ENPEP: variants seen among roughly 807,000 people sequenced by gnomAD.
ENPEP encodes the protein glutamyl aminopeptidase.
Under a neutral mutation model 114.5 loss-of-function variants are expected in ENPEP, and 103 were observed. The ratio of observed to expected loss-of-function variants is 0.90; its 90% confidence interval spans 0.77 to 1.06. ENPEP has a LOEUF of 1.06. Ranked by LOEUF, ENPEP falls within the 50% of genes least tolerant of loss-of-function variation. ENPEP has a pLI of 0.00. For missense variants in ENPEP, 1,196 were observed against 1,161.3 expected (o/e 1.03, Z -0.43); for synonymous variants, 420 against 422.0 (o/e 1.00, Z 0.06).
At chr4:110,480,354 C>T (rs1367463223) in intron 1 of ENPEP, among the ~76,000 whole-genome samples, 1 of 152,118 alleles carries the variant, frequency 6.6e-6, no homozygotes, top group East Asian at 1.9e-4. Flanking sequence ...AATATTTTGG[C>T]AATGCAGCCT....
chr4:110,554,800 G>A (rs930027519), intron 18 of ENPEP, among the ~76,000 whole-genome samples: 3 of 151,938 alleles, frequency 2.0e-5, no homozygotes, highest in African/African-American at 7.2e-5. Flanking sequence ...GGAAACCTAT[G>A]TAGATGAAGC....
chr4:110,491,901 A>T (rs369757581), intron 3 of ENPEP, among the ~76,000 whole-genome samples: 1 of 151,762 alleles, frequency 6.6e-6, no homozygotes, highest in Non-Finnish European at 1.5e-5. Flanking sequence ...TTGTATTTTT[A>T]GTAGAGACGG....
chr4:110,549,274 T>A, intron 14 of ENPEP, 72 bp from the exon 15 acceptor site: 1 of 1,202,354 alleles, frequency 8.3e-7, no homozygotes, highest in Non-Finnish European at 1.2e-6. Flanking sequence ...CAGGGGCTGC[T>A]GAGTATAATA....
chr4:110,492,191 T>C (rs1724749849), intron 3 of ENPEP, among the ~76,000 whole-genome samples: 1 of 152,178 alleles, frequency 6.6e-6, no homozygotes, highest in Non-Finnish European at 1.5e-5. Context: ...CTTTGCAATA[T>C]AATTTTATAA....
chr4:110,517,836 A>C (rs1201198348), intron 8 of ENPEP, among the ~76,000 whole-genome samples: 1 of 152,226 alleles, frequency 6.6e-6, no homozygotes, highest in Non-Finnish European at 1.5e-5. Context: ...ATCTGAAAAT[A>C]GTATATGATC....
At chr4:110,482,554 A>AGT (rs1270997089) in intron 1 of ENPEP, among the ~76,000 whole-genome samples, 1 of 152,098 alleles carries the variant, frequency 6.6e-6, no homozygotes, top group Non-Finnish European at 1.5e-5. Flanking sequence ...ATCATCATTA[A>AGT]GTGTGTGTGT....
chr4:110,509,075 T>A (rs1725477460), intron 4 of ENPEP, among the ~76,000 whole-genome samples: 1 of 152,168 alleles, frequency 6.6e-6, no homozygotes, highest in Non-Finnish European at 1.5e-5. Flanking sequence ...CTATAGAAAC[T>A]CCTGTCCAAC....
intron 13 of ENPEP, among the ~76,000 whole-genome samples, chr4:110,545,658 T>A (rs990274006): frequency 1.3e-5 from 2 of 152,050 alleles, no homozygotes; most frequent in African/African-American, 4.8e-5. Context: ...TGGTCCTCTC[T>A]GAACTTTGTT....
chr4:110,488,607 C>T lies in ENPEP; in HGVS notation c.711C>T (p.Pro237=), dbSNP rs770617874. The T allele has an allele frequency of 9.9e-6, 16 of 1,613,644 alleles. No homozygotes were observed. The South Asian group carries it at 1.8e-4, about 18-fold the overall frequency. ...AATCTTTTCCTTGTTTTGATGAGCCCAACAAAAAGGCAACTTATACAATAT... is the reference window on the plus strand; with the variant it reads ...AATCTTTTCCTTGTTTTGATGAGCCTAACAAAAAGGCAACTTATACAATAT... ...ARKSFPCFDE[P]NKKATYTISI... Residue 237 remains proline, a synonymous_variant, in exon 2 of 20, where the codon CCC becomes CCT. Coordinates refer to ENST00000265162, the MANE Select transcript of ENPEP (RefSeq NM_001977.4).
chr4:110,537,886 G>A (rs1230853900), intron 11 of ENPEP, among the ~76,000 whole-genome samples: 4 of 152,156 alleles, frequency 2.6e-5, no homozygotes, highest in Admixed American at 1.3e-4. Context: ...TGGATGACCA[G>A]GCACACTGTC....
At chr4:110,508,662 T>A (rs1056609536) in intron 4 of ENPEP, among the ~76,000 whole-genome samples, 1 of 152,042 alleles carries the variant, frequency 6.6e-6, no homozygotes, top group Admixed American at 6.5e-5. Context: ...ATTCAAAAAA[T>A]TAGCCAGGCG....
At chr4:110,510,091 C>T (rs544561385) in intron 5 of ENPEP, among the ~76,000 whole-genome samples, 154 bp from the exon 6 acceptor site, 1 of 152,240 alleles carries the variant, frequency 6.6e-6, no homozygotes, top group South Asian at 2.1e-4. Context: ...TTTAAATAAT[C>T]AGAATAAAGC....
chr4:110,530,150 A>G (rs1726356345), intron 10 of ENPEP, among the ~76,000 whole-genome samples: 1 of 152,164 alleles, frequency 6.6e-6, no homozygotes, highest in African/African-American at 2.4e-5. Flanking sequence ...TATAAGGCCC[A>G]AGAAGCAATT....
Position 110,476,865 on chromosome 4 carries a change from T to A in ENPEP, c.451T>A (p.Ser151Thr). 6.2e-7 allele frequency: 1 copy of A among 1,614,086 alleles called. No individual in the cohort carries two copies. The highest frequency in any genetic ancestry group is 8.5e-7 in the Non-Finnish European group (1 of 1,180,010). ...ITRLPELKRP[S>T]GDQVQVRRCF... ...CCGGCTCCCGGAGCTGAAGAGGCCC[T>A]CTGGGGACCAGGTGCAAGTCCGGAG... Residue 151 changes from serine (S) to threonine (T), a missense_variant, in exon 1 of 20, where the codon TCT (serine) becomes ACT (threonine). By Grantham distance (58) the Ser-to-Thr change is moderately conservative. Transcript: ENST00000265162.
chr4:110,542,951 A>G, intron 12 of ENPEP, 64 bp downstream of exon 12: 1 of 1,609,814 alleles, frequency 6.2e-7, no homozygotes, highest in Non-Finnish European at 8.5e-7. Flanking sequence ...TAATGATATT[A>G]ATTTTTTTCA....
intron 1 of ENPEP, 24 bp from the exon 2 acceptor site, chr4:110,488,517 T>TTTGC: frequency 6.4e-7 from 1 of 1,559,212 alleles, no homozygotes; most frequent in Non-Finnish European, 8.7e-7. Context: ...ATGCATTTCG[T>TTTGC]TTGTTTGTTT....
Position 110,479,930 on chromosome 4 carries a change from CT to C in ENPEP, c.644+2873del, listed in dbSNP as rs527468380. Among the ~76,000 whole-genome samples the C allele has an allele frequency of 9.5e-4, 144 of 152,162 alleles. 1 individual carries two copies. Among genetic ancestry groups the C allele is most frequent in the African/African-American group, 3.2e-3 (134 of 41,534 alleles). ...AGTTTCTATTATGTACTTTATAAGT[CT>C]AAAAAAAGCATTATATACACAAATA... On this transcript the variant is annotated intron_variant, in intron 1 of 19. Coordinates refer to ENST00000265162, the MANE Select transcript of ENPEP (RefSeq NM_001977.4).
chr4:110,530,906 A>G (rs1317694943), intron 10 of ENPEP, among the ~76,000 whole-genome samples: 1 of 152,234 alleles, frequency 6.6e-6, no homozygotes, highest in African/African-American at 2.4e-5. Flanking sequence ...TGTGTAATTT[A>G]TGCAATATCT....
intron 1 of ENPEP, 45 bp from the exon 2 acceptor site, chr4:110,488,495 AG>A: frequency 6.5e-7 from 1 of 1,543,364 alleles, no homozygotes. Context: ...AGGGGTTGTC[AG>A]AAGAGGCAGC....
Sources: allele counts gnomAD v4.1 joint callset (sites outside exome capture counted in the v4.1 genomes callset), GRCh38; gene constraint gnomAD v4.1.1; transcripts MANE v1.5; gene names NCBI Gene and HGNC (gene_info 2026-07-23, HGNC 2026-07-21).